The following NDRG4 variants were observed in gnomAD, a reference collection of about 807,000 sequenced individuals.
NDRG4 encodes protein NDRG4.
Under a neutral mutation model 55.8 loss-of-function variants are expected in NDRG4, and 38 were observed. The observed-to-expected ratio is 0.68, with a 90% confidence interval of 0.53 to 0.89. NDRG4 has a LOEUF of 0.89. NDRG4 is among the 40% of genes least tolerant of loss of function. NDRG4 has a pLI of 0.00. For synonymous variants in NDRG4, 190 were observed against 182.7 expected (o/e 1.04, Z -0.32); for missense variants, 455 against 468.6 (o/e 0.97, Z 0.27).
At chr16:58,482,138 C>T (rs1305666332) in intron 1 of NDRG4, among the ~76,000 whole-genome samples, 1 of 152,162 alleles carries the variant, frequency 6.6e-6, no homozygotes, top group Non-Finnish European at 1.5e-5. Context: ...TGTTACGGAC[C>T]CCTCCCCCAG....
downstream of NDRG4, among the ~76,000 whole-genome samples, chr16:58,513,815 G>C (rs895264985): frequency 5.3e-5 from 8 of 152,030 alleles, no homozygotes; most frequent in Admixed American, 1.3e-4. Flanking sequence ...AAAATTAGCT[G>C]AGCATGGTGG....
intron 14 of NDRG4, 87 bp downstream of exon 14, chr16:58,510,770 C>G: frequency 8.0e-7 from 1 of 1,254,448 alleles, no homozygotes; most frequent in Non-Finnish European, 1.1e-6. Context: ...TGCAGCCAGG[C>G]CGCATCTTGC....
intron 1 of NDRG4, among the ~76,000 whole-genome samples, chr16:58,484,160 A>C (rs554510389): frequency 6.6e-6 from 1 of 152,288 alleles, no homozygotes; most frequent in African/African-American, 2.4e-5. Context: ...ACCTGAGGTC[A>C]AGAGTTCAAG....
intron 14 of NDRG4, 198 bp downstream of exon 14, chr16:58,510,881 T>G (rs2038717407): frequency 1.6e-6 from 1 of 616,554 alleles, no homozygotes; most frequent in Non-Finnish European, 2.9e-6. Context: ...TGCAGAGCAG[T>G]CTTGCTTCTA....
At chr16:58,501,889 G>A in intron 1 of NDRG4, 1 of 433,750 alleles carries the variant, frequency 2.3e-6, no homozygotes. Flanking sequence ...GGTTTGGAAG[G>A]CACCGCCCTG....
rs374237961 is a variant in NDRG4, at chr16:58,485,781, T to C, written c.-23-1975T>C. 4.6e-5 allele frequency among the ~76,000 whole-genome samples: 7 copies of C among 152,310 alleles called. No individual in the cohort carries two copies. In the East Asian group the frequency reaches 1.2e-3, roughly 25 times the overall value. On this transcript the variant is annotated intron_variant, in intron 1 of 15. Transcript: ENST00000258187. ...CACGTGCACAGGGACCCAGGCCTGC[T>C]TTTTCATTTATTGTAACAGGAATTT...
chr16:58,501,986 A>G (rs1033298147), intron 1 of NDRG4: 6 of 455,830 alleles, frequency 1.3e-5, no homozygotes, highest in South Asian at 7.7e-5. Context: ...CACCCTCCAG[A>G]GCTGAGAGAA....
In NDRG4 at chr16:58,464,345, C is replaced by T. The variant is rs1240278429; in HGVS notation, c.-24+548C>T. The T allele has an allele frequency of 4.1e-6, 5 of 1,218,742 alleles. No homozygotes were observed. In the African/African-American group the frequency reaches 6.4e-5, roughly 16 times the overall value. 75.5% of individuals were successfully genotyped at this position (1,218,742 alleles called of 1,614,324 possible). On this transcript the variant is annotated intron_variant, in intron 1 of 15. Transcript: ENST00000258187. The surrounding 1 kb of genome is among the most constrained non-coding windows in gnomAD (Gnocchi z 4.8). ...TCCGCGCTCTCCTGCCGCTCCGCTC[C>T]GGGTCTCCCGCGCTCCTCTCCCCGG... is the stretch of plus-strand genomic sequence containing the variant.
chr16:58,464,415 C>G lies in NDRG4; in HGVS notation c.-24+618C>G, dbSNP rs1339778248. 3 of 1,368,346 alleles carry G rather than the reference C, an allele frequency of 2.2e-6. No individual in the cohort carries two copies. Among genetic ancestry groups the G allele is most frequent in the Non-Finnish European group, 2.8e-6 (3 of 1,063,674 alleles). The allele number at this position is 1,368,346 out of a possible 1,614,324, so 84.8% of individuals were successfully genotyped here. On this transcript the variant is annotated intron_variant, in intron 1 of 15. Coordinates refer to the NDRG4 transcript ENST00000258187. The surrounding 1 kb of genome is among the most constrained non-coding windows in gnomAD (Gnocchi z 4.8). ...CCGACGCCGCCACCCAGAGCCGGGCCGCGCCGGGCGCCGAGATGAAGGTGC... is the reference window on the plus strand; with the variant it reads ...CCGACGCCGCCACCCAGAGCCGGGCGGCGCCGGGCGCCGAGATGAAGGTGC...
intron 1 of NDRG4, among the ~76,000 whole-genome samples, chr16:58,484,437 TC>T (rs1226687666): frequency 3.3e-5 from 5 of 152,238 alleles, no homozygotes; most frequent in Admixed American, 6.5e-5. Flanking sequence ...GGCAACATGC[TC>T]TCATATTGCA....
At chr16:58,504,775 C>T in intron 5 of NDRG4, 126 bp downstream of exon 5, 1 of 942,362 alleles carries the variant, frequency 1.1e-6, no homozygotes, top group Non-Finnish European at 1.7e-6. Context: ...CCTCCTCCCA[C>T]CTCCTCTTTA....
At chr16:58,478,697 G>GTTTTTTTTTTTTTTTGTTT (rs59525801) in intron 1 of NDRG4, among the ~76,000 whole-genome samples, 4 of 137,736 alleles carry the variant, frequency 2.9e-5, no homozygotes, top group Non-Finnish European at 6.1e-5. Context: ...TTTGTTTTTT[G>GTTTTTTTTTTTTTTTGTTT]TTTTTTTTTT....
chr16:58,499,949 T>G (rs962522976), upstream of NDRG4: 1 of 533,888 alleles, frequency 1.9e-6, no homozygotes, highest in Non-Finnish European at 3.2e-6. Flanking sequence ...GTGGCTGGGG[T>G]GGGAGGAGCA....
intron 5 of NDRG4, chr16:58,506,103 A>G: frequency 1.7e-6 from 1 of 585,998 alleles, no homozygotes; most frequent in Non-Finnish European, 3.1e-6. Context: ...CACTTCAAAA[A>G]TATATTAAGA....
intron 13 of NDRG4, 51 bp downstream of exon 13, chr16:58,509,403 C>CA: frequency 6.3e-7 from 1 of 1,587,580 alleles, no homozygotes; most frequent in Non-Finnish European, 8.6e-7. Context: ...GGTGGGCAGG[C>CA]AGTGCTGGGG....
In NDRG4 at chr16:58,512,009, C is replaced by CCCACCCT. The variant is rs2038859964; in HGVS notation, c.*439_*445dup. 1 of 460,376 alleles carries CCCACCCT rather than the reference C, an allele frequency of 2.2e-6. No individual in the cohort carries two copies. The highest frequency in any genetic ancestry group is 2.0e-5 in the African/African-American group (1 of 50,242). The allele number at this position is 460,376 out of a possible 1,614,324, so 28.5% of individuals were successfully genotyped here. ...GTGGGAGCCCTGGGAGACCCCTTCC[C>CCCACCCT]CCACCCTCCACCAAGCACACCTGTT... On this transcript the variant is annotated 3_prime_UTR_variant, in exon 15 of 15. Coordinates refer to ENST00000570248, the MANE Select transcript of NDRG4 (RefSeq NM_001242835.2).
intron 1 of NDRG4, among the ~76,000 whole-genome samples, chr16:58,471,710 A>G (rs2032859662): frequency 6.6e-6 from 1 of 152,078 alleles, no homozygotes; most frequent in Admixed American, 6.5e-5. Context: ...CCCATAACAA[A>G]TAACCCTGGG....
chr16:58,476,073 A>G (rs1045861727), intron 1 of NDRG4, among the ~76,000 whole-genome samples: 1 of 152,310 alleles, frequency 6.6e-6, no homozygotes, highest in Middle Eastern at 3.4e-3. Context: ...CTGGGATTAC[A>G]GGCATGAGCC....
chr16:58,506,560 C>T lies in NDRG4; in HGVS notation c.462C>T (p.Leu154=). The T allele has an allele frequency of 6.3e-7, 1 of 1,595,992 alleles. No homozygotes were observed. Among genetic ancestry groups the T allele is most frequent in the African/African-American group, 1.4e-5 (1 of 73,992 alleles). Residue 154 remains leucine (L), a splice_region_variant and synonymous_variant, in exon 7 of 15, where the codon CTC becomes CTT. Transcript: ENST00000570248. ...KGWIDWAATK[L]SGLTSTLPDT... ...CGCTGGCGCCCTGCTCCCTGCAGCT[C>T]TCCGGCCTAACTAGCACTTTACCCG...
Sources: gnomAD v4.1 joint callset for allele counts (sites outside exome capture counted in the v4.1 genomes callset) on GRCh38, gnomAD v4.1.1 for gene constraint, Gnocchi (gnomAD v3.1) non-coding constraint, MANE v1.5 for transcripts, NCBI Gene and HGNC (gene_info 2026-07-23, HGNC 2026-07-21) for gene names.